Variants in HIP1R observed in about 807,000 individuals in gnomAD.
HIP1R encodes huntingtin interacting protein 1 related.
In HIP1R, 135 loss-of-function variants were observed where a neutral mutation model predicts 144.2. That is an observed-to-expected ratio of 0.94 (90% CI 0.81 to 1.08). The LOEUF (loss-of-function observed/expected upper bound fraction) is 1.08, where lower values mean the gene tolerates loss of function less well. Among genes scored for constraint, HIP1R ranks in the 50% least tolerant of loss-of-function variants. The pLI is 0.00. For synonymous variants in HIP1R, 698 were observed against 612.8 expected (o/e 1.14, Z -2.05); for missense variants, 1,462 against 1,432.8 (o/e 1.02, Z -0.33).
upstream of HIP1R, chr12:122,835,366 C>T: frequency 1.1e-6 from 1 of 903,694 alleles, no homozygotes; most frequent in East Asian, 7.1e-5. Context: ...GCGCGGGGGG[C>T]GGGTTTGGAG....
At chr12:122,839,303 C>G (rs909125357) in intron 1 of HIP1R, among the ~76,000 whole-genome samples, 1 of 152,218 alleles carries the variant, frequency 6.6e-6, no homozygotes, top group Non-Finnish European at 1.5e-5. Context: ...GGATGGAGAT[C>G]AAGCCCAGAA....
chr12:122,841,394 C>A (rs2033054274), intron 1 of HIP1R, among the ~76,000 whole-genome samples: 1 of 152,186 alleles, frequency 6.6e-6, no homozygotes, highest in African/African-American at 2.4e-5. Flanking sequence ...GTTCCCTGAG[C>A]AACTGCTCAG....
At chr12:122,842,872 G>A (rs183352293) in intron 1 of HIP1R, among the ~76,000 whole-genome samples, 129 of 152,350 alleles carry the variant, frequency 8.5e-4, no homozygotes, top group African/African-American at 2.9e-3. Flanking sequence ...GGCTGCTCAC[G>A]AGTCAGCGGG....
At chr12:122,848,948 G>A (rs370892888) in intron 4 of HIP1R, 96 bp downstream of exon 4, 64 of 1,294,558 alleles carry the variant, frequency 4.9e-5, no homozygotes, top group Non-Finnish European at 6.7e-5. Context: ...AGTTCCCTGC[G>A]GGTGGCTGGG....
chr12:122,860,217 G>T lies in HIP1R; in HGVS notation c.2559+7G>T, dbSNP rs1483666861. 2 of 1,551,886 alleles carry T rather than the reference G, an allele frequency of 1.3e-6. No individual in the cohort carries two copies. The highest frequency in any genetic ancestry group is 1.7e-6 in the Non-Finnish European group (2 of 1,150,624). ...GATCGTGGAGAGCGGCAGGGTGAGG[G>T]GCCGGCGGCAGCAGGGCACAGTCCA... On this transcript the variant is annotated splice_region_variant and intron_variant, in intron 26 of 31. Transcript: ENST00000253083.
Position 122,861,199 on chromosome 12 carries a change from G to T in HIP1R, c.2952+7G>T. 6.6e-7 allele frequency: 1 copy of T among 1,507,868 alleles called. No homozygotes were observed. 93.4% of individuals were successfully genotyped at this position (1,507,868 alleles called of 1,614,324 possible). Reference sequence around the variant, plus strand: ...GCAGGAGATGGAGACCCAGGTAGGCGCCCATGGCTGCCCCGTGACCTCTGA... The same window carrying T: ...GCAGGAGATGGAGACCCAGGTAGGCTCCCATGGCTGCCCCGTGACCTCTGA... On this transcript the variant is annotated splice_region_variant and intron_variant, in intron 30 of 31. Coordinates refer to ENST00000253083, the MANE Select transcript of HIP1R (RefSeq NM_003959.3).
In HIP1R at chr12:122,840,304, C is replaced by T. The variant is rs919259541; in HGVS notation, c.93+4661C>T. ...CGCCGCTTGCTGTCTTACCATTTGGCCTGTTCCTGTAGCTTTGGGGTGTGC... is the reference window on the plus strand; with the variant it reads ...CGCCGCTTGCTGTCTTACCATTTGGTCTGTTCCTGTAGCTTTGGGGTGTGC... On this transcript the variant is annotated intron_variant, in intron 1 of 31. Coordinates refer to ENST00000253083, the MANE Select transcript of HIP1R (RefSeq NM_003959.3). This position sits in a 1 kb window ranked among gnomAD's most constrained non-coding sequence, Gnocchi z 4.2. Among the ~76,000 whole-genome samples, 1 of 152,214 alleles carries T rather than the reference C, an allele frequency of 6.6e-6. No individual in the cohort carries two copies. Among genetic ancestry groups the T allele is most frequent in the African/African-American group, 2.4e-5 (1 of 41,452 alleles).
chr12:122,859,902 A>G (rs1236848289), intron 24 of HIP1R, 72 bp downstream of exon 24: 7 of 1,514,806 alleles, frequency 4.6e-6, no homozygotes, highest in East Asian at 2.3e-5. Context: ...TCTGCCCCCA[A>G]CTGTTCTGCT....
chr12:122,859,545 G>A lies in HIP1R; in HGVS notation c.2406+9G>A, dbSNP rs550941009. On this transcript the variant is annotated intron_variant, in intron 23 of 31. Coordinates refer to ENST00000253083, the MANE Select transcript of HIP1R (RefSeq NM_003959.3). ...CTGTGCGGAGGATTGAGGTGAGCACGGGATCTGGGGACTCCCCTCATTCCT... is the reference window on the plus strand; with the variant it reads ...CTGTGCGGAGGATTGAGGTGAGCACAGGATCTGGGGACTCCCCTCATTCCT... The A allele has an allele frequency of 1.4e-5, 22 of 1,596,920 alleles. 1 individual carries two copies. The East Asian group carries it at 1.6e-4, about 11-fold the overall frequency.
rs558879026 is a variant in HIP1R, at chr12:122,859,288, G to A, written c.2295+91G>A. On this transcript the variant is annotated intron_variant, in intron 22 of 31. Coordinates refer to ENST00000253083, the MANE Select transcript of HIP1R (RefSeq NM_003959.3). ...GGGTTGGCTGAACAGGTGTTTGTGC[G>A]TGGAGCCTGCAGCCTCAGGACACAG... 17 of 1,491,960 alleles carry A rather than the reference G, an allele frequency of 1.1e-5. No homozygotes were observed. In the Admixed American group the frequency reaches 1.2e-4, roughly 10 times the overall value. 92.4% of individuals were successfully genotyped at this position (1,491,960 alleles called of 1,614,324 possible). A position where few individuals can be genotyped will look rare whatever the true frequency, so the allele number is the denominator to read the frequency against.
chr12:122,861,771 C>T lies in HIP1R; in HGVS notation c.*18C>T. The T allele has an allele frequency of 6.2e-7, 1 of 1,613,278 alleles. No homozygotes were observed. ...ACTACTAGGCCCCCCAGGGGTCCAG[C>T]AGGGTGGCTGGTGACAGGCCTGGGC... On this transcript the variant is annotated 3_prime_UTR_variant, in exon 32 of 32. Transcript: ENST00000253083.
At chr12:122,846,651 G>A (rs140251738) in intron 1 of HIP1R, among the ~76,000 whole-genome samples, 24 of 152,240 alleles carry the variant, frequency 1.6e-4, no homozygotes, top group Non-Finnish European at 3.1e-4. Context: ...GCTCCTCCCC[G>A]ACTACAGGGA....
rs776975060 is a variant in HIP1R at position 122,861,444 on chromosome 12, C to G, written c.3089C>G (p.Pro1030Arg). Residue 1030 changes from proline (P) to arginine (R), a missense_variant, in exon 31 of 32, where the codon CCC becomes CGC. Transcript: ENST00000253083. Reference sequence around the variant, plus strand: ...GTGGCCATCCGGCCCAGCACTGCCCCCCGAAGTGTAACCACCAAGAAACCA... The same window carrying G: ...GTGGCCATCCGGCCCAGCACTGCCCGCCGAAGTGTAACCACCAAGAAACCA... ...EEVAIRPSTA[P>R]RSVTTKKPPL... is the part of the protein sequence containing the mutation. 2 of 1,613,510 alleles carry G rather than the reference C, an allele frequency of 1.2e-6. No individual in the cohort carries two copies. Among genetic ancestry groups the G allele is most frequent in the East Asian group, 2.2e-5 (1 of 44,876 alleles).
Position 122,861,478 on chromosome 12 carries a change from C to G in HIP1R, c.3123C>G (p.Ala1041=). Residue 1041 remains alanine (A), a synonymous_variant, in exon 31 of 32, where the codon GCC becomes GCG. Transcript: ENST00000253083. ...RSVTTKKPPL[A]QKPSVAPRQD... ...TAACCACCAAGAAACCACCCCTGGC[C>G]CAGAAGCCCAGCGTGGCCCCCAGAC... 6.2e-7 allele frequency: 1 copy of G among 1,613,326 alleles called. No individual in the cohort carries two copies. Among genetic ancestry groups the G allele is most frequent in the Non-Finnish European group, 8.5e-7 (1 of 1,179,832 alleles).
intron 1 of HIP1R, among the ~76,000 whole-genome samples, chr12:122,845,492 C>T (rs1219205627): frequency 2.6e-5 from 4 of 152,216 alleles, no homozygotes; most frequent in Admixed American, 6.5e-5. Flanking sequence ...GAGGCCCAGG[C>T]GCACAGGAGA....
At chr12:122,858,538 T>C (rs1018214738) in intron 20 of HIP1R, 103 bp downstream of exon 20, 36 of 952,640 alleles carry the variant, frequency 3.8e-5, no homozygotes, top group Non-Finnish European at 5.3e-5. Context: ...CAGGGACCTC[T>C]CTGGGAAGCC....
rs1183477986 is a variant in HIP1R at position 122,862,491 on chromosome 12, T to A, written c.*738T>A. On this transcript the variant is annotated 3_prime_UTR_variant, in exon 32 of 32. Transcript: ENST00000253083. Reference sequence around the variant, plus strand: ...GGAATCTGCAGCCACCCCCATTTCCTGTTTTCCATTCCCCCGTTCTGGCCG... The same window carrying A: ...GGAATCTGCAGCCACCCCCATTTCCAGTTTTCCATTCCCCCGTTCTGGCCG... 1.3e-5 allele frequency: 2 copies of A among 152,494 alleles called. No homozygotes were observed. Among genetic ancestry groups the A allele is most frequent in the African/African-American group, 4.8e-5 (2 of 41,464 alleles). The allele number at this position is 152,494 out of a possible 1,614,324, so 9.4% of individuals were successfully genotyped here.
chr12:122,836,671 C>T lies in HIP1R; in HGVS notation c.93+1028C>T, dbSNP rs1356278350. ...GGAAGCCAGAGGACCCCTCCCACTC[C>T]TGTCTAAAGCAGGTTGGTGACATTT... On this transcript the variant is annotated intron_variant, in intron 1 of 31. Coordinates refer to ENST00000253083, the MANE Select transcript of HIP1R (RefSeq NM_003959.3). This position sits in a 1 kb window ranked among gnomAD's most constrained non-coding sequence, Gnocchi z 4.1. Among the ~76,000 whole-genome samples the T allele has an allele frequency of 6.6e-6, 1 of 152,202 alleles. No homozygotes were observed. Among genetic ancestry groups the T allele is most frequent in the Non-Finnish European group, 1.5e-5 (1 of 68,032 alleles).
Position 122,862,778 on chromosome 12 carries a change from C to CCTG in HIP1R, c.*1028_*1030dup, listed in dbSNP as rs1414638806. ...ACAGAGCCAGCAGCTGCCATGCCCT[C>CCTG]CTGCTCCCCCCACCCCAGCCCTAGC... On this transcript the variant is annotated 3_prime_UTR_variant, in exon 32 of 32. Coordinates refer to ENST00000253083, the MANE Select transcript of HIP1R (RefSeq NM_003959.3). 6.6e-6 allele frequency: 1 copy of CCTG among 152,092 alleles called. No homozygotes were observed. The highest frequency in any genetic ancestry group is 2.4e-5 in the African/African-American group (1 of 41,394). 9.4% of individuals were successfully genotyped at this position (152,092 alleles called of 1,614,324 possible).
Sources: gnomAD v4.1 joint callset for allele counts (sites outside exome capture counted in the v4.1 genomes callset) on GRCh38, gnomAD v4.1.1 for gene constraint, Gnocchi (gnomAD v3.1) non-coding constraint, MANE v1.5 for transcripts, NCBI Gene and HGNC (gene_info 2026-07-23, HGNC 2026-07-21) for gene names.